The following ZNF653 variants were observed in gnomAD, a reference collection of about 807,000 sequenced individuals.
ZNF653 encodes zinc finger protein 653.
A neutral mutation model predicts 59.9 loss-of-function variants in ZNF653; 37 were observed. The observed-to-expected ratio is 0.62, with a 90% confidence interval of 0.48 to 0.81. The LOEUF is 0.81. Among genes scored for constraint, ZNF653 ranks in the 40% least tolerant of loss-of-function variants. ZNF653 has a pLI of 0.00. For missense variants in ZNF653, 808 were observed against 881.1 expected, an observed-to-expected ratio of 0.92 and a Z score of 1.05; for synonymous variants, 435 against 371.8, an observed-to-expected ratio of 1.17 and a Z score of -1.96.
In ZNF653 at chr19:11,485,554, G is replaced by C. The variant is rs559008206; in HGVS notation, c.1570+102C>G. On this transcript the variant is annotated intron_variant, in intron 7 of 8. Coordinates refer to ENST00000293771, the MANE Select transcript of ZNF653 (RefSeq NM_138783.4). ...CTCCTAGGGGTGTAGTCCTGTGCCC[G>C]GAGACCCAGCACTGGGCTTTGACCC... is the stretch of plus-strand genomic sequence containing the variant. The C allele has an allele frequency of 2.0e-5, 17 of 863,846 alleles. No homozygotes were observed. In the East Asian group the frequency reaches 2.4e-4, roughly 12 times the overall value. The allele number at this position is 863,846 out of a possible 1,614,324, so 53.5% of individuals were successfully genotyped here.
At position 11,487,647 on chromosome 19, in the gene ZNF653, G is replaced by A; in HGVS notation, c.816C>T (p.Ala272=). 6.2e-7 allele frequency: 1 copy of A among 1,613,872 alleles called. No homozygotes were observed. The highest frequency in any genetic ancestry group is 1.1e-5 in the South Asian group (1 of 91,090). The change falls in exon 4 of 9, where the codon GCC becomes GCT. Residue 272 remains alanine (A), a synonymous_variant. Transcript: ENST00000293771. The surrounding 1 kb of genome is among the most constrained non-coding windows in gnomAD (Gnocchi z 5.1). ...CSNPAGNGPE[A]LETVVCVPVP... is the part of the protein sequence containing the mutation. ...CCGGCACGCACACCACTGTCTCCAGGGCTTCAGGCCCATTGCCTGCTGGGT... is the reference window on the plus strand; with the variant it reads ...CCGGCACGCACACCACTGTCTCCAGAGCTTCAGGCCCATTGCCTGCTGGGT...
chr19:11,496,338 AC>A (rs1295144054), intron 2 of ZNF653, among the ~76,000 whole-genome samples, 173 bp from the exon 3 acceptor site: 1 of 152,014 alleles, frequency 6.6e-6, no homozygotes, highest in Non-Finnish European at 1.5e-5. Flanking sequence ...GAGGAGAGGC[AC>A]CCCCTGGAGG....
chr19:11,499,106 C>T (rs952496013), intron 1 of ZNF653, among the ~76,000 whole-genome samples: 1 of 152,228 alleles, frequency 6.6e-6, no homozygotes, highest in Non-Finnish European at 1.5e-5. Flanking sequence ...TCCCCAATTG[C>T]CATCAGCCCT....
chr19:11,483,871 CCGTGGCGGGA>C lies in ZNF653; in HGVS notation c.1671-22_1671-13del, dbSNP rs1971434906. 1 of 1,521,530 alleles carries C rather than the reference CCGTGGCGGGA, an allele frequency of 6.6e-7. No homozygotes were observed. The highest frequency in any genetic ancestry group is 2.5e-5 in the East Asian group (1 of 40,052). The allele number at this position is 1,521,530 out of a possible 1,614,324, so 94.3% of individuals were successfully genotyped here. ...CACAGATCTCGCACCTGCCGGGAGC[CCGTGGCGGGA>C]CGGGGCGGGGTCAGAGTGGGCGGGG... On this transcript the variant is annotated splice_polypyrimidine_tract_variant and intron_variant, in intron 8 of 8. Coordinates refer to ENST00000293771, the MANE Select transcript of ZNF653 (RefSeq NM_138783.4).
At chr19:11,492,013 T>C (rs1159955167) in intron 3 of ZNF653, among the ~76,000 whole-genome samples, 1 of 152,142 alleles carries the variant, frequency 6.6e-6, no homozygotes, top group Non-Finnish European at 1.5e-5. Flanking sequence ...TCCTTTATTT[T>C]TTCCCAAAGC....
rs567422545 is a variant in ZNF653, at chr19:11,483,975, C to T, written c.1670+67G>A. 3.9e-6 allele frequency: 6 copies of T among 1,533,332 alleles called. No individual in the cohort carries two copies. The Admixed American group carries it at 7.9e-5, about 20-fold the overall frequency. 95.0% of individuals were successfully genotyped at this position (1,533,332 alleles called of 1,614,324 possible). A position where few individuals can be genotyped will look rare whatever the true frequency, so the allele number is the denominator to read the frequency against. ...CAGACACTGCGTTGGGGCGAAGCCG[C>T]CCCTGGGACCTGCTGGGATCCCCTC... On this transcript the variant is annotated intron_variant, in intron 8 of 8. Coordinates refer to ENST00000293771, the MANE Select transcript of ZNF653 (RefSeq NM_138783.4).
Position 11,487,302 on chromosome 19 carries a change from C to G in ZNF653, c.1161G>C (p.Glu387Asp). ...TMDATAVAGI[E>D]TKKEKEDLCL... is the part of the protein sequence containing the mutation. ...ACAGGTCCCCCAGACCTTTCTTGGT[C>G]TCGATGCCTGCTACTGCGGTGGCGT... The change falls in exon 4 of 9, where the codon GAG becomes GAC. Residue 387 changes from glutamate to aspartate, a missense_variant. Coordinates refer to ENST00000293771, the MANE Select transcript of ZNF653 (RefSeq NM_138783.4). This position sits in a 1 kb window ranked among gnomAD's most constrained non-coding sequence, Gnocchi z 5.1. 2 of 1,611,770 alleles carry G rather than the reference C, an allele frequency of 1.2e-6. No homozygotes were observed. The highest frequency in any genetic ancestry group is 1.7e-6 in the Non-Finnish European group (2 of 1,178,636).
chr19:11,497,657 T>C (rs1162080691), intron 2 of ZNF653, among the ~76,000 whole-genome samples: 3 of 152,120 alleles, frequency 2.0e-5, no homozygotes, highest in African/African-American at 7.2e-5. Context: ...ACTCCTACCC[T>C]GTGGGCCGGG....
At chr19:11,484,745 C>T (rs1971447122) in intron 7 of ZNF653, among the ~76,000 whole-genome samples, 1 of 151,284 alleles carries the variant, frequency 6.6e-6, no homozygotes, top group Non-Finnish European at 1.5e-5. Context: ...AAAATGAAAA[C>T]AAAAACAAAA....
Position 11,487,272 on chromosome 19 carries a change from C to A in ZNF653, c.1171+20G>T, listed in dbSNP as rs1244081498. 6.2e-7 allele frequency: 1 copy of A among 1,605,748 alleles called. No individual in the cohort carries two copies. Among genetic ancestry groups the A allele is most frequent in the East Asian group, 2.2e-5 (1 of 44,754 alleles). On this transcript the variant is annotated intron_variant, in intron 4 of 8. Coordinates refer to ENST00000293771, the MANE Select transcript of ZNF653 (RefSeq NM_138783.4). The surrounding 1 kb of genome is among the most constrained non-coding windows in gnomAD (Gnocchi z 5.1). ...AGGCCCAACCACCCCTGGCCAGAGG[C>A]CACGACAGGTCCCCCAGACCTTTCT...
intron 1 of ZNF653, among the ~76,000 whole-genome samples, chr19:11,503,596 G>A (rs950678417): frequency 1.6e-4 from 24 of 151,000 alleles, no homozygotes; most frequent in African/African-American, 4.6e-4. Flanking sequence ...CCCTTGAGCC[G>A]AGGAGTTCGT....
chr19:11,484,162 G>A (rs1321512789), intron 7 of ZNF653, 21 bp from the exon 8 acceptor site: 3 of 1,538,512 alleles, frequency 1.9e-6, no homozygotes, highest in African/African-American at 1.4e-5. Context: ...TGGGGACCGA[G>A]GCTGAGGACG....
intron 1 of ZNF653, chr19:11,500,896 C>G (rs551454153): frequency 6.6e-6 from 1 of 152,388 alleles, no homozygotes; most frequent in African/African-American, 2.4e-5. Context: ...ACCTGGTGAG[C>G]GCCACTTTCC....
At chr19:11,490,871 C>G (rs1971523086) in intron 3 of ZNF653, among the ~76,000 whole-genome samples, 1 of 152,174 alleles carries the variant, frequency 6.6e-6, no homozygotes, top group Non-Finnish European at 1.5e-5. Flanking sequence ...TTCTACAAAG[C>G]CTGCACTGCT....
At chr19:11,505,449 C>A (rs902855435) in intron 1 of ZNF653, 39 bp downstream of exon 1, 1 of 1,404,986 alleles carries the variant, frequency 7.1e-7, no homozygotes, top group Admixed American at 3.5e-5. Context: ...GGTCTGGGGG[C>A]GTCTCCTCCC....
intron 1 of ZNF653, among the ~76,000 whole-genome samples, chr19:11,503,872 G>A (rs1971672603): frequency 6.6e-6 from 1 of 152,080 alleles, no homozygotes; most frequent in Admixed American, 6.6e-5. Flanking sequence ...GAGAGGCTGA[G>A]GCCGGAGAAT....
At chr19:11,486,272 T>G (rs1016674440) in intron 6 of ZNF653, among the ~76,000 whole-genome samples, 7 of 152,220 alleles carry the variant, frequency 4.6e-5, no homozygotes, top group Admixed American at 2.0e-4. Context: ...GGCAGCTTTA[T>G]TGAACACCTA....
intron 2 of ZNF653, among the ~76,000 whole-genome samples, chr19:11,496,652 A>G (rs942374487): frequency 6.6e-6 from 1 of 152,124 alleles, no homozygotes; most frequent in African/African-American, 2.4e-5. Flanking sequence ...CGGATCACTT[A>G]AGGCCAGGAG....
In ZNF653 at chr19:11,487,107, G is replaced by A; in HGVS notation, c.1223C>T (p.Ala408Val). The A allele has an allele frequency of 6.2e-7, 1 of 1,613,576 alleles. No homozygotes were observed. The highest frequency in any genetic ancestry group is 1.7e-5 in the Admixed American group (1 of 60,028). Reference protein sequence around the residue: ...LKKEEKEEPVAPELATTVPES... With the variant: ...LKKEEKEEPVVPELATTVPES... ...AGGCACCGTTGTTGCCAGCTCCGGG[G>A]CTACTGGCTCCTCCTTCTCCTCCTT... is the stretch of plus-strand genomic sequence containing the variant. The change falls in exon 5 of 9, where the codon GCC becomes GTC. Residue 408 changes from alanine to valine, a missense_variant. Physicochemically the swap from Ala to Val is moderately conservative, Grantham distance 64. Coordinates refer to ENST00000293771, the MANE Select transcript of ZNF653 (RefSeq NM_138783.4). The surrounding 1 kb of genome is among the most constrained non-coding windows in gnomAD (Gnocchi z 5.1).
Sources: gnomAD v4.1 joint callset for allele counts (sites outside exome capture counted in the v4.1 genomes callset) on GRCh38, gnomAD v4.1.1 for gene constraint, Gnocchi (gnomAD v3.1) non-coding constraint, MANE v1.5 for transcripts, NCBI Gene and HGNC (gene_info 2026-07-23, HGNC 2026-07-21) for gene names.